Variants in TTLL5 observed in about 807,000 individuals in gnomAD.
TTLL5 encodes tubulin tyrosine ligase like 5.
A neutral mutation model predicts 168.4 loss-of-function variants in TTLL5; 132 were observed. The ratio of observed to expected loss-of-function variants is 0.78; its 90% CI spans 0.68 to 0.91. TTLL5 has a LOEUF of 0.91. Among genes scored for constraint, TTLL5 ranks in the 40% least tolerant of loss-of-function variants. The pLI is 0.00. For missense variants in TTLL5, 1,545 were observed against 1,581.5 expected, an observed-to-expected ratio of 0.98 and a Z score of 0.39; for synonymous variants, 546 against 558.6, an observed-to-expected ratio of 0.98 and a Z score of 0.32.
intron 27 of TTLL5, among the ~76,000 whole-genome samples, chr14:75,816,002 G>A (rs1286330262): frequency 3.9e-5 from 6 of 152,224 alleles, no homozygotes; most frequent in South Asian, 2.1e-4. Context: ...GCTGGAAGGC[G>A]AACACTCTCT....
chr14:75,690,551 C>G (rs749835586), intron 6 of TTLL5, among the ~76,000 whole-genome samples: 10 of 152,134 alleles, frequency 6.6e-5, no homozygotes, highest in Admixed American at 2.0e-4. Flanking sequence ...ATCATATAAG[C>G]ATGCCCCTGT....
Position 75,869,821 on chromosome 14 carries a change from A to ATTTTTTTTTTTTTTTTTTT in TTLL5, c.3522+5975_3522+5976insTTTTTTTTTTTTTTTTTTT, listed in dbSNP as rs10658095. 3.4e-3 allele frequency among the ~76,000 whole-genome samples: 277 copies of ATTTTTTTTTTTTTTTTTTT among 82,410 alleles called. 48 individuals are homozygous for ATTTTTTTTTTTTTTTTTTT. The highest frequency in any genetic ancestry group is 3.7e-3 in the Non-Finnish European group (175 of 47,276). The allele number at this position is 82,410 out of a possible 152,430, so 54.1% of individuals were successfully genotyped here. On this transcript the variant is annotated intron_variant, in intron 29 of 31. Coordinates refer to ENST00000298832, the MANE Select transcript of TTLL5 (RefSeq NM_015072.5). ...CTTGCAATGTATACATTCAACAAGT[A>ATTTTTTTTTTTTTTTTTTT]TTTTTTTTTTTTTTTTGCGATGGAG... is the stretch of plus-strand genomic sequence containing the variant.
At chr14:75,779,227 A>G (rs777971945) in intron 23 of TTLL5, among the ~76,000 whole-genome samples, 13 of 152,250 alleles carry the variant, frequency 8.5e-5, no homozygotes, top group Non-Finnish European at 1.5e-4. Flanking sequence ...TGGCTGTCCA[A>G]TAGAACTTTT....
chr14:75,664,135 A>G (rs1232324279), intron 2 of TTLL5, among the ~76,000 whole-genome samples: 2 of 152,108 alleles, frequency 1.3e-5, no homozygotes, highest in Admixed American at 6.5e-5. Flanking sequence ...ACAGATGACG[A>G]TAAAGGCTTT....
intron 30 of TTLL5, among the ~76,000 whole-genome samples, chr14:75,888,932 T>C: frequency 2.5e-5 from 1 of 40,054 alleles, no homozygotes; most frequent in African/African-American, 1.2e-4. Flanking sequence ...AGAGACTGTC[T>C]CCGAAAAAAA....
intron 28 of TTLL5, among the ~76,000 whole-genome samples, chr14:75,859,924 A>C (rs943156937): frequency 3.3e-5 from 5 of 152,214 alleles, no homozygotes; most frequent in Non-Finnish European, 7.3e-5. Flanking sequence ...ACTGTAACTC[A>C]AAGCAAGCAA....
intron 5 of TTLL5, among the ~76,000 whole-genome samples, chr14:75,686,808 T>C (rs1885093858): frequency 6.6e-6 from 1 of 152,204 alleles, no homozygotes; most frequent in African/African-American, 2.4e-5. Flanking sequence ...AGCTTGCTTT[T>C]AGTTGGAGTA....
At chr14:75,778,261 G>C (rs934089447) in intron 23 of TTLL5, among the ~76,000 whole-genome samples, 3 of 152,194 alleles carry the variant, frequency 2.0e-5, no homozygotes, top group African/African-American at 7.2e-5. Flanking sequence ...ATAATGTGGT[G>C]ACGTCAGTTC....
intron 3 of TTLL5, among the ~76,000 whole-genome samples, chr14:75,672,039 G>A (rs934935953): frequency 6.6e-6 from 1 of 152,138 alleles, no homozygotes; most frequent in Non-Finnish European, 1.5e-5. Flanking sequence ...GAGAAAGTTT[G>A]CTTCTATTCC....
At chr14:75,896,653 TA>T (rs1164598190) in intron 30 of TTLL5, among the ~76,000 whole-genome samples, 1 of 152,108 alleles carries the variant, frequency 6.6e-6, no homozygotes, top group Non-Finnish European at 1.5e-5. Context: ...AGAAATAATA[TA>T]GCAGCAAACC....
intron 31 of TTLL5, among the ~76,000 whole-genome samples, chr14:75,921,071 T>G (rs2140138447): frequency 6.6e-6 from 1 of 152,332 alleles, no homozygotes; most frequent in South Asian, 2.1e-4. Context: ...TTGATGGGGT[T>G]GTTTGTTTGT....
intron 21 of TTLL5, among the ~76,000 whole-genome samples, chr14:75,773,190 C>T (rs1891450814): frequency 6.6e-6 from 1 of 152,154 alleles, no homozygotes. Flanking sequence ...GAGATAAAAC[C>T]TTGTGTGTTG....
intron 31 of TTLL5, among the ~76,000 whole-genome samples, chr14:75,931,960 T>G (rs1017064625): frequency 6.6e-6 from 1 of 152,216 alleles, no homozygotes; most frequent in Admixed American, 6.5e-5. Flanking sequence ...ATTATGTCAT[T>G]CACCTCTGTA....
chr14:75,712,895 T>C (rs921404363), intron 9 of TTLL5, among the ~76,000 whole-genome samples: 4 of 152,160 alleles, frequency 2.6e-5, no homozygotes, highest in Admixed American at 6.5e-5. Context: ...TTGTTTTCAT[T>C]GTGGTTAAAA....
chr14:75,939,163 A>G (rs779508512), intron 31 of TTLL5, among the ~76,000 whole-genome samples: 9 of 152,206 alleles, frequency 5.9e-5, no homozygotes, highest in Admixed American at 1.3e-4. Flanking sequence ...ACTGGTCACA[A>G]TCATCATTCC....
intron 9 of TTLL5, among the ~76,000 whole-genome samples, chr14:75,715,009 A>C (rs1483570724): frequency 2.0e-5 from 3 of 152,244 alleles, no homozygotes; most frequent in South Asian, 2.1e-4. Flanking sequence ...TCAAAACTAC[A>C]GAGTTCCTTC....
intron 30 of TTLL5, among the ~76,000 whole-genome samples, chr14:75,887,947 G>A (rs1362014513): frequency 2.6e-5 from 4 of 152,200 alleles, no homozygotes; most frequent in African/African-American, 9.7e-5. Context: ...AGGAAGACTG[G>A]ATTGAAGAAC....
chr14:75,680,614 G>GTTTT (rs1884523951), intron 3 of TTLL5, among the ~76,000 whole-genome samples: 1 of 141,108 alleles, frequency 7.1e-6, no homozygotes, highest in Non-Finnish European at 1.5e-5. Context: ...CTAGAGCAGG[G>GTTTT]ATTTTTTTTT....
chr14:75,886,603 A>T, intron 30 of TTLL5: 1 of 1,362,184 alleles, frequency 7.3e-7, no homozygotes, highest in South Asian at 1.3e-5. Flanking sequence ...CAGTTCTGTG[A>T]AGGGAATGAT....
Sources: allele counts gnomAD v4.1 joint callset (sites outside exome capture counted in the v4.1 genomes callset), GRCh38; gene constraint gnomAD v4.1.1; transcripts MANE v1.5; gene names NCBI Gene and HGNC (gene_info 2026-07-23, HGNC 2026-07-21).